The following PES1 variants were observed in gnomAD, a reference collection of about 807,000 sequenced individuals.
The protein encoded by PES1 is pescadillo ribosomal biogenesis factor 1.
In PES1, 31 loss-of-function variants were observed where a neutral mutation model predicts 77.1. The ratio of observed to expected loss-of-function variants is 0.40; its 90% CI spans 0.30 to 0.54. PES1 has a LOEUF of 0.54. Ranked by LOEUF, PES1 falls within the 20% of genes least tolerant of loss-of-function variation. The probability of loss-of-function intolerance (pLI) is 0.45; values close to 1 mark genes in which losing one functional copy is unlikely to be tolerated. For missense variants in PES1, 658 were observed against 771.7 expected, an observed-to-expected ratio of 0.85 and a Z score of 1.75; for synonymous variants, 282 against 303.0, an observed-to-expected ratio of 0.93 and a Z score of 0.72.
chr22:30,582,390 T>C (rs1301030002), intron 6 of PES1, among the ~76,000 whole-genome samples: 14 of 152,070 alleles, frequency 9.2e-5, no homozygotes. Flanking sequence ...TCTTGGGAAA[T>C]GGCCAGCAGA....
chr22:30,603,905 C>T (rs969548301), intron 2 of PES1: 1 of 152,148 alleles, frequency 6.6e-6, no homozygotes, highest in Middle Eastern at 3.4e-3. Flanking sequence ...GGGAAACCAC[C>T]CAGCAGAGGA....
chr22:30,601,396 C>T (rs115551580), intron 2 of PES1, among the ~76,000 whole-genome samples: 1,755 of 151,788 alleles, frequency 0.012, 35 homozygotes, highest in African/African-American at 0.04. Context: ...CTCACAGCAG[C>T]GTTCGCCTCC....
intron 2 of PES1, among the ~76,000 whole-genome samples, chr22:30,598,680 C>G (rs1055017964): frequency 2.0e-5 from 3 of 152,020 alleles, no homozygotes; most frequent in Non-Finnish European, 4.4e-5. Context: ...CCCCGCACCT[C>G]GGCCTCCCAA....
upstream of PES1, among the ~76,000 whole-genome samples, chr22:30,593,699 G>T (rs949195396): frequency 4.6e-5 from 7 of 152,160 alleles, no homozygotes; most frequent in African/African-American, 1.7e-4. Context: ...TCACATTAAT[G>T]TTGAGGGGTC....
rs576318352 is a variant in PES1 at position 30,587,617 on chromosome 22, C to G, written c.259-222G>C. Among the ~76,000 whole-genome samples the G allele has an allele frequency of 2.0e-4, 31 of 152,252 alleles. 1 individual carries two copies. Among genetic ancestry groups the G allele is most frequent in the Admixed American group, 1.8e-3 (27 of 15,290 alleles). ...TAACCAGCAGAGCTAGACCAGGCACCCTTTTTGACAATGCACAGATGTCCC... is the reference window on the plus strand; with the variant it reads ...TAACCAGCAGAGCTAGACCAGGCACGCTTTTTGACAATGCACAGATGTCCC... On this transcript the variant is annotated intron_variant, in intron 3 of 14. Transcript: ENST00000354694.
At chr22:30,578,277 G>A (rs1245069318) in intron 14 of PES1, among the ~76,000 whole-genome samples, 2 of 152,078 alleles carry the variant, frequency 1.3e-5, no homozygotes, top group Non-Finnish European at 2.9e-5. Context: ...GGAAGACTCT[G>A]TCTCAAAAAA....
rs577388294 is a variant in PES1 at position 30,582,928 on chromosome 22, G to A, written c.631-1284C>T. On this transcript the variant is annotated intron_variant, in intron 6 of 14. Transcript: ENST00000354694. Reference sequence around the variant, plus strand: ...CTGCTCACAGGAGGGGCACAACTGGGCTCCGCTACGACCTAGTGCCAGTCC... The same window carrying A: ...CTGCTCACAGGAGGGGCACAACTGGACTCCGCTACGACCTAGTGCCAGTCC... Among the ~76,000 whole-genome samples, 3 of 152,340 alleles carry A rather than the reference G, an allele frequency of 2.0e-5. No homozygotes were observed. The East Asian group carries it at 5.8e-4, about 29-fold the overall frequency.
intron 2 of PES1, 123 bp downstream of exon 2, chr22:30,589,068 T>G: frequency 4.6e-6 from 3 of 655,844 alleles, no homozygotes; most frequent in Admixed American, 2.6e-5. Flanking sequence ...GCAAGGGCGG[T>G]GAGAAAGAGA....
At chr22:30,595,321 C>T (rs1037126289), upstream of PES1, among the ~76,000 whole-genome samples, 1 of 151,926 alleles carries the variant, frequency 6.6e-6, no homozygotes, top group Admixed American at 6.6e-5. Flanking sequence ...GGGTGGATCA[C>T]GAGGTCAGGA....
intron 2 of PES1, among the ~76,000 whole-genome samples, chr22:30,601,346 A>T (rs1212380249): frequency 6.6e-6 from 1 of 151,854 alleles, no homozygotes; most frequent in African/African-American, 2.4e-5. Flanking sequence ...ATGGAGTCTC[A>T]GTCCGTCGCC....
In PES1 at chr22:30,576,755, A is replaced by G; in HGVS notation, c.*291T>C. ...GTGGAAAGCCAGGATGAATGGGGGC[A>G]GTAGGTAGGGGGCTGGGTGGGCCTC... On this transcript the variant is annotated 3_prime_UTR_variant, in exon 15 of 15. Coordinates refer to ENST00000354694, the MANE Select transcript of PES1 (RefSeq NM_014303.4). The G allele has an allele frequency of 2.2e-6, 1 of 453,430 alleles. No homozygotes were observed. 28.1% of individuals were successfully genotyped at this position (453,430 alleles called of 1,614,324 possible).
chr22:30,601,547 C>G (rs531529326), intron 2 of PES1, among the ~76,000 whole-genome samples: 1 of 151,904 alleles, frequency 6.6e-6, no homozygotes, highest in Non-Finnish European at 1.5e-5. Flanking sequence ...TCTTGCCCCT[C>G]AAGTGATCTG....
chr22:30,588,503 C>T (rs937891304), intron 2 of PES1, among the ~76,000 whole-genome samples: 2 of 152,116 alleles, frequency 1.3e-5, no homozygotes, highest in African/African-American at 4.8e-5. Flanking sequence ...GGTGGCTAGG[C>T]GTGATGGCTC....
chr22:30,580,608 G>GA lies in PES1; in HGVS notation c.1005_1006insT (p.Arg336SerfsTer6). ...GCCAGGGCCTCACGGGGCACCTCTC[G>GA]GTTCAGGAAGAACTTCAGGCCCTCA... is the stretch of plus-strand genomic sequence containing the variant. On this transcript the variant is annotated frameshift_variant, in exon 10 of 15. Transcript: ENST00000354694. LOFTEE classifies it high-confidence loss of function. 6.2e-7 allele frequency: 1 copy of GA among 1,613,780 alleles called. No homozygotes were observed. The highest frequency in any genetic ancestry group is 8.5e-7 in the Non-Finnish European group (1 of 1,180,010).
chr22:30,596,691 C>G (rs1292502215), upstream of PES1, among the ~76,000 whole-genome samples: 3 of 152,216 alleles, frequency 2.0e-5, no homozygotes, highest in Admixed American at 6.5e-5. Flanking sequence ...AGAGATGATG[C>G]GTGCTGGCAG....
intron 1 of PES1, among the ~76,000 whole-genome samples, chr22:30,606,224 A>G (rs1208282477): frequency 6.6e-6 from 1 of 151,726 alleles, no homozygotes; most frequent in Non-Finnish European, 1.5e-5. Flanking sequence ...ATTCAATCTC[A>G]TTCTTTTTAT....
intron 1 of PES1, among the ~76,000 whole-genome samples, chr22:30,606,137 C>T (rs2087436631): frequency 1.3e-5 from 2 of 152,188 alleles, no homozygotes; most frequent in African/African-American, 2.4e-5. Context: ...GTTCTCTTCC[C>T]TGTTTGCAGA....
chr22:30,603,776 C>T (rs961042717), intron 2 of PES1: 2 of 152,182 alleles, frequency 1.3e-5, no homozygotes, highest in African/African-American at 2.4e-5. Flanking sequence ...TCATTCTTCT[C>T]ATGCCATCTT....
intron 6 of PES1, among the ~76,000 whole-genome samples, chr22:30,582,156 A>G (rs1464552850): frequency 1.3e-5 from 2 of 152,232 alleles, no homozygotes; most frequent in African/African-American, 4.8e-5. Flanking sequence ...TCTAGCCCAG[A>G]GGGGCTGGCA....
Sources: gnomAD v4.1 joint callset for allele counts (sites outside exome capture counted in the v4.1 genomes callset) on GRCh38, gnomAD v4.1.1 for gene constraint, MANE v1.5 for transcripts, NCBI Gene and HGNC (gene_info 2026-07-23, HGNC 2026-07-21) for gene names.